The following PDLIM2 variants were observed in gnomAD, a reference collection of about 807,000 sequenced individuals.
The protein encoded by PDLIM2 is PDZ and LIM domain protein 2.
In PDLIM2, 51 loss-of-function variants were observed where a neutral mutation model predicts 54.1. The ratio of observed to expected loss-of-function variants is 0.94; its 90% CI spans 0.75 to 1.19. The LOEUF is 1.19. PDLIM2 is among the 50% of genes most tolerant of loss of function. PDLIM2 has a pLI of 0.00. For synonymous variants in PDLIM2, 398 were observed against 385.6 expected (o/e 1.03, Z -0.38); for missense variants, 912 against 874.0 (o/e 1.04, Z -0.55).
In PDLIM2 at chr8:22,580,814, T is replaced by A. The variant is rs1318050882; in HGVS notation, c.843+117T>A. On this transcript the variant is annotated intron_variant, in intron 2 of 9. Transcript: ENST00000308354. ...TGTTCTGGAGCTAGGGATCTGCTGC[T>A]GCCTGGCGTGCTGGCTGTAAGGGAG... 5.3e-6 allele frequency: 6 copies of A among 1,130,926 alleles called. No individual in the cohort carries two copies. The East Asian group carries it at 1.5e-4, about 29-fold the overall frequency. The allele number at this position is 1,130,926 out of a possible 1,614,324, so 70.1% of individuals were successfully genotyped here.
chr8:22,587,660 C>G (rs1398870462), intron 6 of PDLIM2: 1 of 152,252 alleles, frequency 6.6e-6, no homozygotes, highest in African/African-American at 2.4e-5. Context: ...GCAAGGGTCG[C>G]TAACCCCTAA....
chr8:22,585,017 G>A, exon 5 of PDLIM2: 1 of 1,613,828 alleles, frequency 6.2e-7, no homozygotes, highest in Non-Finnish European at 8.5e-7. Flanking sequence ...CTCTCCACAG[G>A]GCTCCGTGAG....
chr8:22,580,592 C>G (rs778577006), intron 1 of PDLIM2: 1 of 1,614,022 alleles, frequency 6.2e-7, no homozygotes, highest in Non-Finnish European at 8.5e-7. Context: ...TCCTGGTCCT[C>G]TCTTCCTCAG....
chr8:22,588,254 C>CT (rs1422764590), intron 6 of PDLIM2: 1 of 152,314 alleles, frequency 6.6e-6, no homozygotes, highest in Non-Finnish European at 1.5e-5. Flanking sequence ...AGGCCAACTG[C>CT]TGGTAGCAGC....
chr8:22,581,048 C>G (rs939811594), intron 2 of PDLIM2: 4 of 662,718 alleles, frequency 6.0e-6, no homozygotes, highest in Admixed American at 2.1e-5. Context: ...GGAACATTCA[C>G]AGGAGGGCTG....
intron 8 of PDLIM2, chr8:22,591,201 G>A: frequency 3.3e-6 from 1 of 299,110 alleles, no homozygotes; most frequent in Non-Finnish European, 6.4e-6. Context: ...CACTTTGAAA[G>A]CCACACCGAG....
chr8:22,587,509 T>TGCCCTGCCCC (rs1159134137), intron 6 of PDLIM2, among the ~76,000 whole-genome samples: 2 of 151,200 alleles, frequency 1.3e-5, no homozygotes, highest in African/African-American at 4.8e-5. Context: ...CCCCCTGCCC[T>TGCCCTGCCCC]GCCCTGCCCC....
intron 6 of PDLIM2, chr8:22,587,788 G>A (rs1039980583): frequency 2.4e-4 from 36 of 152,492 alleles, no homozygotes; most frequent in African/African-American, 7.7e-4. Context: ...GTGGGCTGCA[G>A]AGGCAGGGGT....
At position 22,580,602 on chromosome 8, in the gene PDLIM2, G is replaced by A; in HGVS notation, c.749-1G>A. The A allele has an allele frequency of 6.2e-7, 1 of 1,614,040 alleles. No individual in the cohort carries two copies. Among genetic ancestry groups the A allele is most frequent in the Non-Finnish European group, 8.5e-7 (1 of 1,179,996 alleles). ...TCACCTCCTGGTCCTCTCTTCCTCA[G>A]GTATGGCGTTGACGGTGGATGTGGC... On this transcript the variant is annotated splice_acceptor_variant, in intron 1 of 9. Transcript: ENST00000308354. LOFTEE classifies it high-confidence loss of function.
chr8:22,591,479 T>C, intron 8 of PDLIM2, 72 bp from the exon 8 acceptor site: 1 of 1,380,774 alleles, frequency 7.2e-7, no homozygotes, highest in East Asian at 2.3e-5. Context: ...CAAGACCACC[T>C]CCTCAGAGCA....
rs773625739 is a variant in PDLIM2 at position 22,581,515 on chromosome 8, G to A, written c.980G>A (p.Arg327Gln). The change falls in exon 3 of 10, where the codon CGG becomes CAG. Residue 327 changes from arginine (R) to glutamine (Q), a missense_variant. Coordinates refer to ENST00000308354, the Ensembl canonical transcript of PDLIM2. ...ATCCGCCAGAGCCCCTCGCCCCTGC[G>A]GCTGCAGCTGGACCGGTAGGGCCTC... 72 of 1,585,928 alleles carry A rather than the reference G, an allele frequency of 4.5e-5. No homozygotes were observed. Among genetic ancestry groups the A allele is most frequent in the Admixed American group, 2.2e-4 (13 of 58,622 alleles).
Position 22,589,386 on chromosome 8 carries a change from C to A in PDLIM2, c.1367+12C>A. On this transcript the variant is annotated intron_variant, in intron 7 of 9. Coordinates refer to ENST00000308354, the Ensembl canonical transcript of PDLIM2. ...TCCTCCAGGCCCAGGTACCAGCAGG[C>A]CCCGGAGGGTCGGGTTGGGGTCTTG... 1 of 1,535,644 alleles carries A rather than the reference C, an allele frequency of 6.5e-7. No homozygotes were observed. The highest frequency in any genetic ancestry group is 1.2e-5 in the South Asian group (1 of 83,760).
At chr8:22,585,129 G>C in exon 5 of PDLIM2, 1 of 1,613,738 alleles carries the variant, frequency 6.2e-7, no homozygotes, top group Non-Finnish European at 8.5e-7. Flanking sequence ...CCCTCTAGCA[G>C]CTCCCTCACT....
At chr8:22,593,959 A>G (rs1253790007) in exon 10 of PDLIM2, 1 of 1,522,448 alleles carries the variant, frequency 6.6e-7, no homozygotes, top group Non-Finnish European at 8.8e-7. Context: ...GGTCATGCCT[A>G]TATAAGTTGG....
exon 3 of PDLIM2, chr8:22,581,450 A>C: frequency 6.2e-7 from 1 of 1,608,332 alleles, no homozygotes; most frequent in Non-Finnish European, 8.5e-7. Flanking sequence ...TCAACGGGGA[A>C]AGCGCGGAGG....
downstream of PDLIM2, chr8:22,597,311 G>C (rs781132694): frequency 6.2e-4 from 94 of 152,356 alleles, no homozygotes; most frequent in Non-Finnish European, 1.1e-3. Flanking sequence ...TCTAGGCTTG[G>C]GACTGCGGCT....
chr8:22,585,806 C>A (rs1213955153), intron 6 of PDLIM2: 1 of 155,322 alleles, frequency 6.4e-6, no homozygotes, highest in African/African-American at 2.4e-5. Context: ...CCGGGCCTGC[C>A]TGACTCCCAC....
exon 1 of PDLIM2, chr8:22,579,333 C>T (rs1306658579): frequency 2.7e-6 from 4 of 1,459,296 alleles, no homozygotes; most frequent in Non-Finnish European, 2.7e-6. Flanking sequence ...GGCCCAGCTC[C>T]CTGGAGCCTC....
At chr8:22,583,966 A>C (rs1270339925) in intron 3 of PDLIM2, among the ~76,000 whole-genome samples, 1 of 151,272 alleles carries the variant, frequency 6.6e-6, no homozygotes, top group East Asian at 1.9e-4. Context: ...ACTTTTTAGA[A>C]CCAAACTATC....
Sources: allele counts gnomAD v4.1 joint callset (sites outside exome capture counted in the v4.1 genomes callset), GRCh38; gene constraint gnomAD v4.1.1; transcripts MANE v1.5; gene names NCBI Gene and HGNC (gene_info 2026-07-23, HGNC 2026-07-21).